VPS13B: variants seen among roughly 807,000 people sequenced by gnomAD.
The protein encoded by VPS13B is intermembrane lipid transfer protein VPS13B.
Under a neutral mutation model 426.4 loss-of-function variants are expected in VPS13B, and 285 were observed. That is an observed-to-expected ratio of 0.67 (90% CI 0.61 to 0.74). VPS13B has a LOEUF of 0.74. Among genes scored for constraint, VPS13B ranks in the 30% least tolerant of loss-of-function variants. The pLI, the probability that VPS13B is intolerant of heterozygous loss-of-function variation, is 0.00. For synonymous variants in VPS13B, 1,676 were observed against 1,676.4 expected, an observed-to-expected ratio of 1.00 and a Z score of 0.01; for missense variants, 4,537 against 4,782.6, an observed-to-expected ratio of 0.95 and a Z score of 1.51.
At chr8:99,591,304 C>T (rs151155868) in intron 33 of VPS13B, among the ~76,000 whole-genome samples, 20,789 of 151,540 alleles carry the variant, frequency 0.14, 1,979 homozygotes, top group East Asian at 0.39. Flanking sequence ...ACTCTTTATC[C>T]AATTTGCCAG....
At chr8:99,238,745 C>T (rs1816766722) in intron 17 of VPS13B, among the ~76,000 whole-genome samples, 1 of 151,982 alleles carries the variant, frequency 6.6e-6, no homozygotes, top group Admixed American at 6.5e-5. Context: ...ACGTGCAAAA[C>T]ATGTAATATG....
At chr8:99,600,918 C>T (rs774747619) in intron 33 of VPS13B, among the ~76,000 whole-genome samples, 2 of 152,104 alleles carry the variant, frequency 1.3e-5, no homozygotes, top group African/African-American at 4.8e-5. Flanking sequence ...CCTTTATACC[C>T]TAAATAAAAA....
chr8:99,507,028 T>C (rs1821536293), intron 27 of VPS13B, 109 bp from the exon 28 acceptor site: 17 of 1,148,522 alleles, frequency 1.5e-5, no homozygotes, highest in Non-Finnish European at 2.2e-5. Context: ...TATGTTTTAG[T>C]TCAGTGCAGT....
intron 16 of VPS13B, among the ~76,000 whole-genome samples, chr8:99,171,944 CAG>C (rs753412452): frequency 1.4e-4 from 22 of 152,160 alleles, no homozygotes; most frequent in Non-Finnish European, 2.6e-4. Flanking sequence ...CCTGGGACGT[CAG>C]AGATAGCTGA....
At chr8:99,480,111 T>C (rs1819958065) in intron 24 of VPS13B, among the ~76,000 whole-genome samples, 2 of 152,212 alleles carry the variant, frequency 1.3e-5, no homozygotes, top group African/African-American at 4.8e-5. Context: ...CATTGTGGCT[T>C]TACTTGGCAT....
At chr8:99,364,685 G>A (rs1812753238) in intron 19 of VPS13B, among the ~76,000 whole-genome samples, 1 of 152,142 alleles carries the variant, frequency 6.6e-6, no homozygotes, top group East Asian at 1.9e-4. Context: ...CCCCTGCCTC[G>A]GCCTCCCAGA....
In VPS13B at chr8:99,690,345, A is replaced by C. The variant is rs576536553; in HGVS notation, c.6047-9180A>C. Among the ~76,000 whole-genome samples the C allele has an allele frequency of 7.2e-4, 109 of 152,340 alleles. No homozygotes were observed. In the Middle Eastern group the frequency reaches 0.01, roughly 14 times the overall value. On this transcript the variant is annotated intron_variant, in intron 35 of 61. Transcript: ENST00000357162. ...CTTACATTTAAGAGATAAAACTGTA[A>C]AACTCTTAAAAGAAGACATAGGTGT...
chr8:99,084,420 AT>A lies in VPS13B; in HGVS notation c.292-11886del, dbSNP rs533580808. Among the ~76,000 whole-genome samples, 23 of 152,036 alleles carry A rather than the reference AT, an allele frequency of 1.5e-4. No homozygotes were observed. The East Asian group carries it at 4.1e-3, about 27-fold the overall frequency. ...AAAACACCAGCTCCTGGATTCTTTA[AT>A]TTTTTGAAGGGTTTTTTGTGTCTCT... On this transcript the variant is annotated intron_variant, in intron 3 of 61. Coordinates refer to ENST00000357162, the MANE Select transcript of VPS13B (RefSeq NM_152564.5).
intron 33 of VPS13B, among the ~76,000 whole-genome samples, chr8:99,599,175 C>T (rs16897488): frequency 0.041 from 6,296 of 152,000 alleles, 145 homozygotes; most frequent in East Asian, 0.061. Flanking sequence ...AGGTAAAACT[C>T]CCTTTGCTCC....
At chr8:99,562,925 C>T (rs118104610) in intron 31 of VPS13B, among the ~76,000 whole-genome samples, 3,330 of 152,126 alleles carry the variant, frequency 0.022, 51 homozygotes, top group Non-Finnish European at 0.036. Flanking sequence ...GAGGCCAAAG[C>T]GGGAGGATCG....
chr8:99,663,420 C>T (rs751020833), intron 35 of VPS13B, among the ~76,000 whole-genome samples: 8 of 152,114 alleles, frequency 5.3e-5, no homozygotes, highest in Non-Finnish European at 8.8e-5. Flanking sequence ...GAAGGATAAG[C>T]AAGTCATTAA....
At chr8:99,113,078 T>TCC (rs1847457829) in intron 6 of VPS13B, among the ~76,000 whole-genome samples, 1 of 127,518 alleles carries the variant, frequency 7.8e-6, no homozygotes, top group African/African-American at 2.9e-5. Flanking sequence ...CCCTCCCCTC[T>TCC]CCTCCGCTTT....
intron 3 of VPS13B, among the ~76,000 whole-genome samples, chr8:99,085,277 C>G (rs1162057393): frequency 6.6e-6 from 1 of 151,970 alleles, no homozygotes; most frequent in Non-Finnish European, 1.5e-5. Context: ...GATTGCAACC[C>G]CTGCCTTTTT....
chr8:99,542,433 G>A (rs1202402050), intron 30 of VPS13B, among the ~76,000 whole-genome samples: 1 of 152,204 alleles, frequency 6.6e-6, no homozygotes, highest in Non-Finnish European at 1.5e-5. Context: ...AATATGTTGA[G>A]CTGTGGCAAA....
At chr8:99,581,211 G>T (rs1401870441) in intron 33 of VPS13B, among the ~76,000 whole-genome samples, 1 of 151,986 alleles carries the variant, frequency 6.6e-6, no homozygotes, top group Non-Finnish European at 1.5e-5. Context: ...ATGATAGGGG[G>T]ATTATGTATT....
At chr8:99,411,454 G>C (rs1042916955) in intron 21 of VPS13B, among the ~76,000 whole-genome samples, 1 of 152,110 alleles carries the variant, frequency 6.6e-6, no homozygotes, top group Non-Finnish European at 1.5e-5. Flanking sequence ...TGTAAATTCT[G>C]GATATTAGCC....
intron 40 of VPS13B, 112 bp from the exon 41 acceptor site, chr8:99,776,663 G>T: frequency 1.0e-6 from 1 of 970,380 alleles, no homozygotes; most frequent in South Asian, 1.4e-5. Flanking sequence ...ATAAAATATT[G>T]ACTATAGGAT....
chr8:99,489,429 A>G (rs1820479186), intron 25 of VPS13B, among the ~76,000 whole-genome samples: 1 of 151,766 alleles, frequency 6.6e-6, no homozygotes, highest in Non-Finnish European at 1.5e-5. Context: ...GTTTTTTCCA[A>G]TGCTGTGAAG....
At chr8:99,536,522 A>G (rs1823231429) in intron 30 of VPS13B, 1 of 360,064 alleles carries the variant, frequency 2.8e-6, no homozygotes, top group Non-Finnish European at 5.6e-6. Context: ...TTATTTAGTG[A>G]AAAATGTCAT....
Sources: gnomAD v4.1 joint callset for allele counts (sites outside exome capture counted in the v4.1 genomes callset) on GRCh38, gnomAD v4.1.1 for gene constraint, MANE v1.5 for transcripts, NCBI Gene and HGNC (gene_info 2026-07-23, HGNC 2026-07-21) for gene names.